The following SUFU variants were observed in gnomAD, a reference collection of about 807,000 sequenced individuals.
The protein encoded by SUFU is suppressor of fused homolog.
A neutral mutation model predicts 58.9 loss-of-function variants in SUFU; 7 were observed. The observed-to-expected ratio is 0.12, with a 90% CI of 0.07 to 0.22. The LOEUF (loss-of-function observed/expected upper bound fraction) is 0.22, where lower values mean the gene tolerates loss of function less well. Ranked by LOEUF, SUFU falls within the 10% of genes least tolerant of loss-of-function variation. The pLI is 1.00. For missense variants in SUFU, 451 were observed against 641.3 expected (o/e 0.70, Z 3.20); for synonymous variants, 232 against 254.8 (o/e 0.91, Z 0.85).
chr10:102,598,098 G>GT, intron 7 of SUFU, among the ~76,000 whole-genome samples: 1 of 152,108 alleles, frequency 6.6e-6, no homozygotes, highest in South Asian at 2.1e-4. Context: ...CTTATAAAAG[G>GT]TTTTTGTTCG....
chr10:102,594,003 C>G lies in SUFU; in HGVS notation c.694C>G (p.Pro232Ala), dbSNP rs1060501110. ...TTTCCTTGTCCACAGTGCTGGCGGC[C>G]CCTGGCTGATAACTGACATGCGGAG... Reference protein sequence around the residue: ...LLRTVPIAGGPWLITDMRRGE... With the variant: ...LLRTVPIAGGAWLITDMRRGE... Residue 232 changes from proline (P) to alanine (A), a missense_variant, in exon 6 of 12, where the codon CCC becomes GCC. Physicochemically the swap from Pro to Ala is conservative, Grantham distance 27. Coordinates refer to ENST00000369902, the MANE Select transcript of SUFU (RefSeq NM_016169.4). 1 of 1,614,164 alleles carries G rather than the reference C, an allele frequency of 6.2e-7. No homozygotes were observed. The highest frequency in any genetic ancestry group is 8.5e-7 in the Non-Finnish European group (1 of 1,180,014).
At chr10:102,587,423 G>C (rs187256867) in intron 3 of SUFU, among the ~76,000 whole-genome samples, 1 of 152,244 alleles carries the variant, frequency 6.6e-6, no homozygotes, top group Non-Finnish European at 1.5e-5. Flanking sequence ...TGGGTATAAA[G>C]TGATATCTCA....
In SUFU at chr10:102,509,313, TGCCACCTGTTCTTTATCCAGA is replaced by T; in HGVS notation, c.317+14_317+34del. 3 of 1,613,876 alleles carry T rather than the reference TGCCACCTGTTCTTTATCCAGA, an allele frequency of 1.9e-6. No individual in the cohort carries two copies. In the South Asian group the frequency reaches 3.3e-5, roughly 18 times the overall value. ...ACAACAGAGTCCATGAGTGAGTATA[TGCCACCTGTTCTTTATCCAGA>T]GCCTTATTCCTGAGGTCTTCCTGAG... is the stretch of plus-strand genomic sequence containing the variant. On this transcript the variant is annotated intron_variant, in intron 2 of 11. Coordinates refer to ENST00000369902, the MANE Select transcript of SUFU (RefSeq NM_016169.4).
At chr10:102,527,131 T>C (rs577548414) in intron 2 of SUFU, among the ~76,000 whole-genome samples, 1 of 151,536 alleles carries the variant, frequency 6.6e-6, no homozygotes, top group African/African-American at 2.4e-5. Context: ...GCCTCCCAAG[T>C]AGCTGGGACC....
chr10:102,558,902 A>G (rs1195216932), intron 3 of SUFU, among the ~76,000 whole-genome samples: 1 of 152,186 alleles, frequency 6.6e-6, no homozygotes, highest in Non-Finnish European at 1.5e-5. Flanking sequence ...AAGTAATAGA[A>G]CACCCTGACC....
rs2063724156 is a variant in SUFU at position 102,619,755 on chromosome 10, G to A, written c.1296+2327G>A. On this transcript the variant is annotated intron_variant, in intron 10 of 11. Coordinates refer to ENST00000369902, the MANE Select transcript of SUFU (RefSeq NM_016169.4). The surrounding 1 kb of genome is among the most constrained non-coding windows in gnomAD (Gnocchi z 4.2). ...CCCCTGTTAGGGTCCTGCCACTGTG[G>A]TCACAGGCAGCTCCCTTGCTTGTGG... Among the ~76,000 whole-genome samples, 1 of 152,216 alleles carries A rather than the reference G, an allele frequency of 6.6e-6. No individual in the cohort carries two copies. The highest frequency in any genetic ancestry group is 2.4e-5 in the African/African-American group (1 of 41,448).
chr10:102,513,054 C>T (rs750242965), intron 2 of SUFU, among the ~76,000 whole-genome samples: 39 of 151,732 alleles, frequency 2.6e-4, no homozygotes, highest in Non-Finnish European at 3.1e-4. Flanking sequence ...GGTAACAGAG[C>T]GAGACCCTAT....
At chr10:102,597,115 T>C in intron 6 of SUFU, 25 bp from the exon 7 acceptor site, 2 of 1,613,910 alleles carry the variant, frequency 1.2e-6, no homozygotes, top group Non-Finnish European at 1.7e-6. Flanking sequence ...GAAAGAACTC[T>C]GGCTCTTTGG....
chr10:102,622,743 C>T lies in SUFU; in HGVS notation c.1297-4432C>T, dbSNP rs535046974. 8.7e-4 allele frequency among the ~76,000 whole-genome samples: 132 copies of T among 151,564 alleles called. 1 individual carries two copies. Among genetic ancestry groups the T allele is most frequent in the African/African-American group, 3.1e-3 (126 of 41,288 alleles). ...CTGAGGCAGGAGAATGGCATGAACC[C>T]AGGAGGCGGAGCTTGCAGTGAGCCA... On this transcript the variant is annotated intron_variant, in intron 10 of 11. Transcript: ENST00000369902.
chr10:102,594,972 G>A (rs1349658669), intron 6 of SUFU, among the ~76,000 whole-genome samples: 6 of 152,094 alleles, frequency 3.9e-5, no homozygotes, highest in Non-Finnish European at 8.8e-5. Context: ...CGCCCGCCTC[G>A]GCCTCCCAAA....
intron 2 of SUFU, among the ~76,000 whole-genome samples, chr10:102,511,057 G>A (rs2062395056): frequency 6.6e-6 from 1 of 150,532 alleles, no homozygotes; most frequent in Non-Finnish European, 1.5e-5. Context: ...GGAGGAGTAG[G>A]TTGCAGTGAG....
chr10:102,627,262 T>C lies in SUFU; in HGVS notation c.1365+19T>C, dbSNP rs12414407. 1,053,372 of 1,609,952 alleles carry C rather than the reference T, an allele frequency of 0.65. 346,385 individuals are homozygous for C. The highest frequency in any genetic ancestry group is 0.76 in the African/African-American group (56,650 of 74,948). On this transcript the variant is annotated intron_variant, in intron 11 of 11. Transcript: ENST00000369902. The stretch of plus-strand genomic sequence containing the variant: ...AGAGGAAGTAAGCTTGTTTGACTTT[T>C]CCTGACAACAGGTCCCGTCTCTGGG...
intron 2 of SUFU, among the ~76,000 whole-genome samples, chr10:102,517,249 C>T (rs188910792): frequency 8.5e-5 from 13 of 152,228 alleles, no homozygotes; most frequent in Non-Finnish European, 1.8e-4. Context: ...GATCTCGCCA[C>T]TGCACTCCAG....
At chr10:102,613,910 A>C (rs1408466227) in intron 8 of SUFU, among the ~76,000 whole-genome samples, 1 of 152,232 alleles carries the variant, frequency 6.6e-6, no homozygotes, top group Non-Finnish European at 1.5e-5. Context: ...GGCCACAGTC[A>C]GGAGGAATCT....
intron 3 of SUFU, among the ~76,000 whole-genome samples, chr10:102,560,840 C>A (rs557329074): frequency 8.2e-5 from 12 of 147,108 alleles, no homozygotes; most frequent in African/African-American, 2.5e-4. Context: ...CGAAGTATTT[C>A]TTTTTTTTTT....
intron 8 of SUFU, among the ~76,000 whole-genome samples, chr10:102,599,939 A>G (rs1371934429): frequency 1.3e-5 from 2 of 151,988 alleles, no homozygotes; most frequent in African/African-American, 4.8e-5. Flanking sequence ...TCCGGCTGAT[A>G]GCTGCAACCC....
At chr10:102,583,070 G>A (rs1466873604) in intron 3 of SUFU, among the ~76,000 whole-genome samples, 1 of 152,134 alleles carries the variant, frequency 6.6e-6, no homozygotes, top group Non-Finnish European at 1.5e-5. Flanking sequence ...CAGGGTGGGC[G>A]CAGGGGCCTG....
At chr10:102,504,626 C>T (rs2062300149) in intron 1 of SUFU, among the ~76,000 whole-genome samples, 1 of 124,560 alleles carries the variant, frequency 8.0e-6, no homozygotes, top group African/African-American at 3.2e-5. Flanking sequence ...GAACTGTAAA[C>T]GTGGTGAAAA....
chr10:102,603,130 G>A (rs2063529749), intron 8 of SUFU, among the ~76,000 whole-genome samples: 1 of 152,168 alleles, frequency 6.6e-6, no homozygotes, highest in Admixed American at 6.5e-5. Context: ...GATACGTGTG[G>A]TCAGGTGAAT....
Sources: allele counts gnomAD v4.1 joint callset (sites outside exome capture counted in the v4.1 genomes callset), GRCh38; gene constraint gnomAD v4.1.1; non-coding constraint Gnocchi (gnomAD v3.1); transcripts MANE v1.5; gene names NCBI Gene and HGNC (gene_info 2026-07-23, HGNC 2026-07-21).